The following DYNAP variants were observed in gnomAD, a reference collection of about 807,000 sequenced individuals.
DYNAP encodes dynactin-associated protein.
A neutral mutation model predicts 8.5 loss-of-function variants in DYNAP; 7 were observed. That is an observed-to-expected ratio of 0.82 (90% CI 0.47 to 1.54). DYNAP has a LOEUF of 1.54. Among genes scored for constraint, DYNAP ranks in the 40% most tolerant of loss-of-function variants. The pLI, the probability that DYNAP is intolerant of heterozygous loss-of-function variation, is 0.01. For synonymous variants in DYNAP, 77 were observed against 77.9 expected (o/e 0.99, Z 0.06); for missense variants, 256 against 224.3 (o/e 1.14, Z -0.90).
the DYNAP span, among the ~76,000 whole-genome samples, chr18:54,580,957 G>A: frequency 6.6e-6 from 1 of 152,064 alleles, no homozygotes; most frequent in Non-Finnish European, 1.5e-5. Flanking sequence ...CAAGTAATTT[G>A]ATAAAACCTC....
At chr18:54,582,804 C>T (rs984910891), upstream of DYNAP, among the ~76,000 whole-genome samples, 1 of 152,144 alleles carries the variant, frequency 6.6e-6, no homozygotes, top group Non-Finnish European at 1.5e-5. Context: ...TTTTATTTTC[C>T]ACCACATTCA....
intron 2 of DYNAP, among the ~76,000 whole-genome samples, chr18:54,597,491 A>T (rs1375240802): frequency 1.3e-5 from 2 of 152,158 alleles, no homozygotes; most frequent in Non-Finnish European, 2.9e-5. Context: ...GGCAGGAGGG[A>T]TGTGGGAAAT....
chr18:54,593,711 GCC>G (rs113703485), intron 1 of DYNAP, among the ~76,000 whole-genome samples: 1 of 152,072 alleles, frequency 6.6e-6, no homozygotes, highest in Non-Finnish European at 1.5e-5. Flanking sequence ...GAGTGCTTGA[GCC>G]CAGGAGATCT....
the DYNAP span, among the ~76,000 whole-genome samples, chr18:54,576,881 C>T: frequency 1.3e-5 from 2 of 152,100 alleles, no homozygotes; most frequent in South Asian, 4.2e-4. Flanking sequence ...AACTACTTTG[C>T]CTTGATTCCT....
upstream of DYNAP, among the ~76,000 whole-genome samples, chr18:54,585,748 T>C (rs1033504954): frequency 1.3e-5 from 2 of 152,228 alleles, no homozygotes; most frequent in South Asian, 4.1e-4. Flanking sequence ...TCTTCAGTCC[T>C]GCCTTAGTTC....
upstream of DYNAP, among the ~76,000 whole-genome samples, chr18:54,587,087 T>C (rs1186673337): frequency 6.6e-6 from 1 of 152,160 alleles, no homozygotes; most frequent in African/African-American, 2.4e-5. Context: ...ATCATCAACA[T>C]TTCCCATCAG....
At chr18:54,587,646 A>G (rs945776877), upstream of DYNAP, 1 of 377,456 alleles carries the variant, frequency 2.6e-6, no homozygotes, top group African/African-American at 2.1e-5. Flanking sequence ...TATGCCAAAC[A>G]TACAAATTAA....
the DYNAP span, among the ~76,000 whole-genome samples, chr18:54,578,336 G>A: frequency 1.1e-4 from 16 of 152,300 alleles, no homozygotes; most frequent in East Asian, 2.7e-3. Flanking sequence ...ATTGGTTTTC[G>A]TGTTACTTAT....
At chr18:54,596,003 T>C (rs1374713586) in intron 2 of DYNAP, among the ~76,000 whole-genome samples, 2 of 152,158 alleles carry the variant, frequency 1.3e-5, no homozygotes, top group East Asian at 3.8e-4. Context: ...GTAATCCATA[T>C]CAATCATGGA....
At chr18:54,576,672 G>T in the DYNAP span, among the ~76,000 whole-genome samples, 7 of 151,776 alleles carry the variant, frequency 4.6e-5, no homozygotes, top group South Asian at 1.5e-3. Context: ...GAGTGGTGGT[G>T]CACACCTGCG....
In DYNAP at chr18:54,598,242, G is replaced by C. The variant is rs567351492; in HGVS notation, c.*97G>C. On this transcript the variant is annotated 3_prime_UTR_variant, in exon 3 of 3. Transcript: ENST00000648945. ...ATAGCTACTCCTATCACTTCAAGTGGAATCATGGCTGCAGTCACTTTAACA... is the reference window on the plus strand; with the variant it reads ...ATAGCTACTCCTATCACTTCAAGTGCAATCATGGCTGCAGTCACTTTAACA... 6 of 1,275,286 alleles carry C rather than the reference G, an allele frequency of 4.7e-6. No individual in the cohort carries two copies. In the South Asian group the frequency reaches 8.8e-5, roughly 19 times the overall value. The allele number at this position is 1,275,286 out of a possible 1,614,324, so 79.0% of individuals were successfully genotyped here. A position where few individuals can be genotyped will look rare whatever the true frequency, so the allele number is the denominator to read the frequency against.
the DYNAP span, among the ~76,000 whole-genome samples, chr18:54,578,081 C>G: frequency 1.1e-4 from 17 of 152,198 alleles, no homozygotes; most frequent in East Asian, 2.3e-3. Flanking sequence ...GCTCAGGAGC[C>G]CTGGATGCCT....
In DYNAP at chr18:54,598,130, T is replaced by C. The variant is rs1911393268; in HGVS notation, c.540T>C (p.Pro180=). Residue 180 remains proline (P), a synonymous_variant, in exon 3 of 3, where the codon CCT becomes CCC. Transcript: ENST00000648945. ...TTSTEPITVA[P]TDHL is the part of the protein sequence containing the mutation. ...CCACAGAACCTATAACTGTTGCACC[T>C]ACCGATCATTTATAATTTGAACAGC... The C allele has an allele frequency of 1.2e-6, 2 of 1,608,492 alleles. No homozygotes were observed. The highest frequency in any genetic ancestry group is 1.1e-5 in the South Asian group (1 of 90,322).
At chr18:54,591,876 GTA>G (rs1911090871) in intron 1 of DYNAP, among the ~76,000 whole-genome samples, 1 of 152,048 alleles carries the variant, frequency 6.6e-6, no homozygotes, top group Non-Finnish European at 1.5e-5. Flanking sequence ...AGCCTTCAGT[GTA>G]TAGTTATCAT....
At chr18:54,586,723 G>A (rs1201856378), upstream of DYNAP, among the ~76,000 whole-genome samples, 6 of 152,102 alleles carry the variant, frequency 3.9e-5, no homozygotes, top group South Asian at 1.0e-3. Context: ...CTCTAATCTT[G>A]AGTTTGTAAA....
At chr18:54,579,463 G>T in the DYNAP span, among the ~76,000 whole-genome samples, 67 of 152,274 alleles carry the variant, frequency 4.4e-4, no homozygotes, top group African/African-American at 1.3e-3. Context: ...AGAAAATCTG[G>T]TTTATATATA....
At chr18:54,591,400 A>G in intron 1 of DYNAP, 61 bp downstream of exon 1, 1 of 1,539,358 alleles carries the variant, frequency 6.5e-7, no homozygotes, top group African/African-American at 1.4e-5. Context: ...TTCAGCATTT[A>G]AAAGCAGTTT....
upstream of DYNAP, among the ~76,000 whole-genome samples, chr18:54,585,454 C>T (rs1910843320): frequency 1.3e-5 from 2 of 151,980 alleles, no homozygotes; most frequent in African/African-American, 4.8e-5. Flanking sequence ...TCCTACTTTC[C>T]CCCAGTGCCT....
chr18:54,588,384 T>C (rs1910955596), upstream of DYNAP, among the ~76,000 whole-genome samples: 1 of 152,028 alleles, frequency 6.6e-6, no homozygotes, highest in Admixed American at 6.6e-5. Context: ...TTTTGTATTT[T>C]TTTAGAGACA....
Sources: gnomAD v4.1 joint callset for allele counts (sites outside exome capture counted in the v4.1 genomes callset) on GRCh38, gnomAD v4.1.1 for gene constraint, MANE v1.5 for transcripts, NCBI Gene and HGNC (gene_info 2026-07-23, HGNC 2026-07-21) for gene names.